DAB1: variants seen among roughly 807,000 people sequenced by gnomAD.
DAB1 encodes DAB adaptor protein 1.
In DAB1, 15 loss-of-function variants were observed where a neutral mutation model predicts 64.6. That is an observed-to-expected ratio of 0.23 (90% CI 0.16 to 0.36). The LOEUF is 0.36. DAB1 is among the 10% of genes least tolerant of loss of function. The pLI is 1.00. For synonymous variants in DAB1, 235 were observed against 251.9 expected (o/e 0.93, Z 0.64); for missense variants, 596 against 706.7 (o/e 0.84, Z 1.78).
intron 7 of DAB1, among the ~76,000 whole-genome samples, chr1:57,594,619 T>G (rs567975062): frequency 5.6e-4 from 86 of 152,306 alleles, no homozygotes; most frequent in African/African-American, 2.0e-3. Flanking sequence ...TCAATGCTAT[T>G]TACCCAGGAA....
At chr1:58,232,312 G>C (rs1344649373) in intron 4 of DAB1, among the ~76,000 whole-genome samples, 1 of 152,200 alleles carries the variant, frequency 6.6e-6, no homozygotes, top group African/African-American at 2.4e-5. Context: ...CATGGAGCTA[G>C]AAGTGGTCTT....
intron 4 of DAB1, among the ~76,000 whole-genome samples, chr1:58,207,363 G>T (rs1658335576): frequency 1.3e-5 from 2 of 152,220 alleles, no homozygotes. Flanking sequence ...ATGCATGGTT[G>T]GGAAAAGAGA....
chr1:58,508,427 T>A (rs2100421486), intron 2 of DAB1, among the ~76,000 whole-genome samples: 1 of 152,226 alleles, frequency 6.6e-6, no homozygotes, highest in South Asian at 2.1e-4. Context: ...TTGTGAGAAA[T>A]CCTGAAACTA....
chr1:57,308,384 G>A (rs537132782), intron 1 of DAB1, among the ~76,000 whole-genome samples: 6 of 152,088 alleles, frequency 3.9e-5, no homozygotes, highest in African/African-American at 1.4e-4. Flanking sequence ...AATTCCAGGG[G>A]GAAACACCCA....
chr1:58,148,539 C>T (rs1209432765), intron 5 of DAB1, among the ~76,000 whole-genome samples: 1 of 152,142 alleles, frequency 6.6e-6, no homozygotes, highest in East Asian at 1.9e-4. Flanking sequence ...AGTCCATTCT[C>T]ATGCTGCTAA....
intron 5 of DAB1, among the ~76,000 whole-genome samples, chr1:57,960,360 A>G (rs553992482): frequency 6.6e-6 from 1 of 152,316 alleles, no homozygotes; most frequent in Admixed American, 6.5e-5. Flanking sequence ...ACTGTCATGA[A>G]GATTTTTTAA....
At chr1:57,925,746 C>T (rs1199508802) in intron 5 of DAB1, among the ~76,000 whole-genome samples, 1 of 152,198 alleles carries the variant, frequency 6.6e-6, no homozygotes, top group Non-Finnish European at 1.5e-5. Flanking sequence ...AGACTAAACA[C>T]CCTTTCTCAC....
chr1:57,250,963 T>A (rs1175791607), intron 2 of DAB1, among the ~76,000 whole-genome samples: 2 of 152,186 alleles, frequency 1.3e-5, no homozygotes, highest in African/African-American at 4.8e-5. Flanking sequence ...CTTCTTACTA[T>A]CTCAGAGTTC....
At chr1:57,248,100 A>G (rs75598734) in intron 2 of DAB1, among the ~76,000 whole-genome samples, 10,754 of 152,266 alleles carry the variant, frequency 0.071, 534 homozygotes, top group East Asian at 0.29. Context: ...ATGGCATAGT[A>G]TTTGCATCTA....
chr1:57,814,198 A>T (rs1252508757), intron 6 of DAB1, among the ~76,000 whole-genome samples: 2 of 152,234 alleles, frequency 1.3e-5, no homozygotes, highest in African/African-American at 4.8e-5. Context: ...TGCAGAGCTG[A>T]TCCTGAACCC....
At chr1:58,436,024 G>T (rs1463734994) in intron 3 of DAB1, among the ~76,000 whole-genome samples, 1 of 152,198 alleles carries the variant, frequency 6.6e-6, no homozygotes, top group East Asian at 1.9e-4. Context: ...GCACCAGCCT[G>T]TTTAACTGAG....
chr1:57,691,832 G>A (rs981303372), intron 6 of DAB1, among the ~76,000 whole-genome samples: 19 of 152,062 alleles, frequency 1.2e-4, no homozygotes, highest in African/African-American at 2.4e-4. Flanking sequence ...GACCCCTTTC[G>A]CTTGCTATTC....
At position 58,242,702 on chromosome 1, in the gene DAB1, G is replaced by C. The variant is rs1570531204; in HGVS notation, n.310-92114C>G. Among the ~76,000 whole-genome samples, 3 of 152,188 alleles carry C rather than the reference G, an allele frequency of 2.0e-5. No individual in the cohort carries two copies. In the South Asian group the frequency reaches 6.2e-4, roughly 32 times the overall value. On this transcript the variant is annotated intron_variant and non_coding_transcript_variant, in intron 4 of 20. Coordinates refer to the DAB1 transcript ENST00000485760. ...ATGTCAGTGCTGGTCATTATTGAGT[G>C]AAGTCAACTAAGAAGAGTTCATATG...
intron 3 of DAB1, among the ~76,000 whole-genome samples, chr1:58,449,531 C>G (rs1645109490): frequency 6.6e-6 from 1 of 152,160 alleles, no homozygotes; most frequent in African/African-American, 2.4e-5. Context: ...CAGGGATGAC[C>G]TTGGAGGAGT....
intron 5 of DAB1, among the ~76,000 whole-genome samples, chr1:58,141,102 A>G (rs1654256914): frequency 6.6e-6 from 1 of 152,202 alleles, no homozygotes; most frequent in Non-Finnish European, 1.5e-5. Context: ...AGGAGCAGGC[A>G]TATCACATGG....
intron 1 of DAB1, among the ~76,000 whole-genome samples, chr1:57,377,185 G>A (rs184675360): frequency 1.3e-3 from 199 of 151,868 alleles, no homozygotes; most frequent in Non-Finnish European, 1.8e-3. Flanking sequence ...AACGAGAATC[G>A]CTTGAACCCA....
chr1:57,248,327 C>G (rs1426306355), intron 2 of DAB1, among the ~76,000 whole-genome samples: 2 of 151,976 alleles, frequency 1.3e-5, no homozygotes, highest in East Asian at 1.9e-4. Flanking sequence ...GATGAGGAAC[C>G]TGTAGATATG....
At chr1:57,343,802 C>T (rs903707401) in intron 1 of DAB1, among the ~76,000 whole-genome samples, 3 of 152,250 alleles carry the variant, frequency 2.0e-5, no homozygotes, top group African/African-American at 7.2e-5. Flanking sequence ...CCACACCTCC[C>T]CAAAAGCTGA....
intron 7 of DAB1, among the ~76,000 whole-genome samples, chr1:57,481,437 C>G (rs1038616965): frequency 6.6e-6 from 1 of 152,170 alleles, no homozygotes; most frequent in Non-Finnish European, 1.5e-5. Context: ...TTCTGTCAAA[C>G]CTCAGACCCT....
Sources: gnomAD v4.1 joint callset for allele counts (sites outside exome capture counted in the v4.1 genomes callset) on GRCh38, gnomAD v4.1.1 for gene constraint, MANE v1.5 for transcripts, NCBI Gene and HGNC (gene_info 2026-07-23, HGNC 2026-07-21) for gene names.